Variants in UBA5 observed in about 807,000 individuals in gnomAD.
The protein encoded by UBA5 is ubiquitin like modifier activating enzyme 5.
A neutral mutation model predicts 52.9 loss-of-function variants in UBA5; 28 were observed. The observed-to-expected ratio is 0.53, with a 90% confidence interval of 0.39 to 0.73. The LOEUF (loss-of-function observed/expected upper bound fraction) is 0.73. UBA5 is among the 30% of genes least tolerant of loss of function. The probability of loss-of-function intolerance (pLI) is 0.00; values close to 1 mark genes in which losing one functional copy is unlikely to be tolerated. For synonymous variants in UBA5, 135 were observed against 162.1 expected, an observed-to-expected ratio of 0.83 and a Z score of 1.27; for missense variants, 388 against 492.7, an observed-to-expected ratio of 0.79 and a Z score of 2.01.
intron 4 of UBA5, among the ~76,000 whole-genome samples, 199 bp from the exon 5 acceptor site, chr3:132,669,999 T>TA (rs1369799837): frequency 6.6e-6 from 1 of 152,214 alleles, no homozygotes; most frequent in Non-Finnish European, 1.5e-5. Flanking sequence ...AGTTTTTTCT[T>TA]ACTACAGCTA....
Position 132,678,983 on chromosome 3 carries a change from C to T in UBA5, c.*2457C>T, listed in dbSNP as rs751412168. Among the ~76,000 whole-genome samples, 6 of 151,974 alleles carry T rather than the reference C, an allele frequency of 3.9e-5. No homozygotes were observed. Among genetic ancestry groups the T allele is most frequent in the East Asian group, 1.9e-4 (1 of 5,160 alleles). Reference sequence around the variant, plus strand: ...TTACTAAAGGAAGCTTTGACCCCTGCATCACATTTTTTTCATATTTCCCTT... The same window carrying T: ...TTACTAAAGGAAGCTTTGACCCCTGTATCACATTTTTTTCATATTTCCCTT... On this transcript the variant is annotated 3_prime_UTR_variant, in exon 12 of 12. Transcript: ENST00000356232.
upstream of UBA5, chr3:132,659,357 A>T: frequency 2.0e-6 from 1 of 512,006 alleles, no homozygotes; most frequent in Non-Finnish European, 3.4e-6. Flanking sequence ...CCATCCTTTA[A>T]CAAAGATTCC....
At position 132,678,773 on chromosome 3, in the gene UBA5, C is replaced by T. The variant is rs200806961; in HGVS notation, c.*2247C>T. Among the ~76,000 whole-genome samples the T allele has an allele frequency of 2.3e-4, 35 of 152,046 alleles. 1 individual carries two copies. Among genetic ancestry groups the T allele is most frequent in the East Asian group, 1.6e-3 (8 of 5,072 alleles). ...CAAGCGATTCTCCTGCCTCAGCCTC[C>T]CAAGTAGCTGGGATTACAGGTGCCC... is the stretch of plus-strand genomic sequence containing the variant. On this transcript the variant is annotated 3_prime_UTR_variant, in exon 12 of 12. Coordinates refer to ENST00000356232, the MANE Select transcript of UBA5 (RefSeq NM_024818.6).
At chr3:132,659,846 C>G, upstream of UBA5, 1 of 1,439,620 alleles carries the variant, frequency 6.9e-7, no homozygotes, top group Middle Eastern at 2.4e-4. Flanking sequence ...GAGCATGGGC[C>G]GAGGCCGGGG....
chr3:132,670,093 T>C (rs1938538988), intron 4 of UBA5, 105 bp from the exon 5 acceptor site: 1 of 630,438 alleles, frequency 1.6e-6, no homozygotes, highest in South Asian at 1.9e-5. Flanking sequence ...GGTGCGATGA[T>C]AGCTCGCTGT....
intron 8 of UBA5, among the ~76,000 whole-genome samples, chr3:132,675,009 C>G (rs746686517): frequency 1.3e-5 from 2 of 152,014 alleles, no homozygotes; most frequent in African/African-American, 2.4e-5. Flanking sequence ...ATAGTGTGTT[C>G]TACAGTTGAT....
upstream of UBA5, among the ~76,000 whole-genome samples, chr3:132,658,008 C>T (rs1189901957): frequency 6.6e-6 from 1 of 151,744 alleles, no homozygotes; most frequent in African/African-American, 2.4e-5. Flanking sequence ...ACTACAGGCA[C>T]GTGCCACCAC....
exon 1 of UBA5, chr3:132,654,670 G>A (rs1226281682): frequency 6.6e-6 from 1 of 152,240 alleles, no homozygotes; most frequent in Non-Finnish European, 1.5e-5. Context: ...CCCACCACCA[G>A]GTCAGTGGGC....
chr3:132,678,932 G>A lies in UBA5; in HGVS notation c.*2406G>A, dbSNP rs562752691. On this transcript the variant is annotated 3_prime_UTR_variant, in exon 12 of 12. Transcript: ENST00000356232. ...CCCAAAGTGCTGGGATTATAGGTGT[G>A]AGCCACCACGCCCAGCCAAGAATAT... is the stretch of plus-strand genomic sequence containing the variant. 6.6e-6 allele frequency among the ~76,000 whole-genome samples: 1 copy of A among 152,148 alleles called. No homozygotes were observed. The highest frequency in any genetic ancestry group is 1.5e-5 in the Non-Finnish European group (1 of 68,004).
intron 1 of UBA5, chr3:132,661,181 C>G: frequency 3.5e-6 from 2 of 573,476 alleles, no homozygotes; most frequent in Non-Finnish European, 5.2e-6. Context: ...ATTACCAAGA[C>G]TGCCCAGGCC....
At chr3:132,656,001 C>T (rs73860788), upstream of UBA5, among the ~76,000 whole-genome samples, 2,334 of 152,266 alleles carry the variant, frequency 0.015, 48 homozygotes, top group African/African-American at 0.053. Context: ...ATTTTCACTA[C>T]CCGGAGAAAA....
At chr3:132,671,932 T>C (rs748465867) in intron 7 of UBA5, 51 bp downstream of exon 7, 8 of 1,600,890 alleles carry the variant, frequency 5.0e-6, no homozygotes, top group African/African-American at 1.3e-5. Flanking sequence ...ACTTGAGTTC[T>C]TAGGGGCATT....
At chr3:132,665,627 T>C in intron 1 of UBA5, 196 bp from the exon 2 acceptor site, 1 of 566,880 alleles carries the variant, frequency 1.8e-6, no homozygotes, top group Non-Finnish European at 3.1e-6. Context: ...TATGCTACAC[T>C]TGGGAGAGTT....
chr3:132,665,605 A>G, intron 1 of UBA5: 2 of 510,922 alleles, frequency 3.9e-6, no homozygotes, highest in South Asian at 6.0e-5. Flanking sequence ...TTTAAAAACC[A>G]ATCTTGTTTC....
chr3:132,657,153 G>C (rs774340220), upstream of UBA5, among the ~76,000 whole-genome samples: 1 of 152,050 alleles, frequency 6.6e-6, no homozygotes, highest in Non-Finnish European at 1.5e-5. Flanking sequence ...TATCTACCTG[G>C]AACTGTGTGA....
upstream of UBA5, among the ~76,000 whole-genome samples, chr3:132,655,548 T>G (rs1372267899): frequency 2.0e-5 from 3 of 152,210 alleles, no homozygotes; most frequent in African/African-American, 7.2e-5. Context: ...GGAACACTCT[T>G]TTCCTGGATA....
intron 1 of UBA5, among the ~76,000 whole-genome samples, chr3:132,664,418 T>C (rs567398831): frequency 1.4e-4 from 22 of 152,304 alleles, no homozygotes; most frequent in African/African-American, 5.3e-4. Flanking sequence ...AAATGAAAGT[T>C]CTCAAAATTT....
chr3:132,662,667 G>C (rs1233887164), intron 1 of UBA5, among the ~76,000 whole-genome samples: 1 of 152,108 alleles, frequency 6.6e-6, no homozygotes, highest in Non-Finnish European at 1.5e-5. Flanking sequence ...CATGGAGGTG[G>C]GATATTAAAA....
chr3:132,671,758 T>G lies in UBA5; in HGVS notation c.580-19T>G. On this transcript the variant is annotated intron_variant, in intron 6 of 11. Coordinates refer to ENST00000356232, the MANE Select transcript of UBA5 (RefSeq NM_024818.6). ...CTCTTTTATTTTTTTTCCTTATGTT[T>G]TCACCCATTTCTACTAAGGCTTGTA... 1 of 1,573,670 alleles carries G rather than the reference T, an allele frequency of 6.4e-7. No homozygotes were observed. The highest frequency in any genetic ancestry group is 8.6e-7 in the Non-Finnish European group (1 of 1,159,302).
Sources: gnomAD v4.1 joint callset for allele counts (sites outside exome capture counted in the v4.1 genomes callset) on GRCh38, gnomAD v4.1.1 for gene constraint, MANE v1.5 for transcripts, NCBI Gene and HGNC (gene_info 2026-07-23, HGNC 2026-07-21) for gene names.